Variants in CAMK1D observed in about 807,000 individuals in gnomAD.
CAMK1D encodes calcium/calmodulin dependent protein kinase ID, also known as calcium/calmodulin-dependent protein kinase type 1D.
Under a neutral mutation model 47.7 loss-of-function variants are expected in CAMK1D, and 9 were observed. The observed-to-expected ratio is 0.19, with a 90% CI of 0.11 to 0.33. The LOEUF is 0.33. CAMK1D is among the 10% of genes least tolerant of loss of function. The probability of loss-of-function intolerance (pLI) is 1.00; values close to 1 mark genes in which losing one functional copy is unlikely to be tolerated. For synonymous variants in CAMK1D, 184 were observed against 184.9 expected, an observed-to-expected ratio of 0.99 and a Z score of 0.04; for missense variants, 291 against 488.7, an observed-to-expected ratio of 0.60 and a Z score of 3.81.
chr10:12,520,024 G>A, intron 1 of CAMK1D, among the ~76,000 whole-genome samples: 1 of 71,504 alleles, frequency 1.4e-5, no homozygotes, highest in South Asian at 7.7e-4. Context: ...CCGGGCAGAG[G>A]AGCCCCTCAC....
intron 1 of CAMK1D, among the ~76,000 whole-genome samples, chr10:12,361,737 G>A (rs944129637): frequency 2.6e-5 from 4 of 151,050 alleles, no homozygotes; most frequent in African/African-American, 9.8e-5. Flanking sequence ...TGTATTTTTA[G>A]TAGAGACGAG....
chr10:12,473,531 C>G (rs947475625), intron 1 of CAMK1D, among the ~76,000 whole-genome samples: 1 of 152,142 alleles, frequency 6.6e-6, no homozygotes, highest in Non-Finnish European at 1.5e-5. Flanking sequence ...TTCACTCAAT[C>G]CTTATAACAA....
intron 3 of CAMK1D, among the ~76,000 whole-genome samples, chr10:12,718,406 C>CT (rs1834239755): frequency 6.6e-6 from 1 of 152,194 alleles, no homozygotes; most frequent in African/African-American, 2.4e-5. Flanking sequence ...CTCGTCAACT[C>CT]TGGTGTATCT....
chr10:12,578,562 C>T (rs1178943991), intron 2 of CAMK1D, among the ~76,000 whole-genome samples: 2 of 67,800 alleles, frequency 2.9e-5, no homozygotes, highest in Admixed American at 1.5e-4. Flanking sequence ...AAGAGCTAAA[C>T]TCCATCTCAA....
intron 3 of CAMK1D, chr10:12,760,538 C>A: frequency 6.3e-6 from 1 of 158,646 alleles, no homozygotes; most frequent in Non-Finnish European, 1.4e-5. Flanking sequence ...CGTTGGCAGG[C>A]CAGCGTTTTG....
intron 1 of CAMK1D, among the ~76,000 whole-genome samples, chr10:12,380,948 G>C (rs958814604): frequency 6.6e-6 from 1 of 152,332 alleles, no homozygotes; most frequent in African/African-American, 2.4e-5. Flanking sequence ...CTAGTCATTT[G>C]TCAGGTTGTT....
chr10:12,547,140 C>G (rs953078963), intron 1 of CAMK1D, among the ~76,000 whole-genome samples: 1 of 151,850 alleles, frequency 6.6e-6, no homozygotes, highest in Non-Finnish European at 1.5e-5. Flanking sequence ...GGAGATGGAG[C>G]GGAAATGGAC....
rs1833446506 is a variant in CAMK1D at position 12,833,181 on chromosome 10, G to T, written c.*4294G>T. ...GTAGGATGAAAGGAATCTGGCCTAG[G>T]GAGCCCCGGACTCGGTTTACCTACC... On this transcript the variant is annotated 3_prime_UTR_variant, in exon 11 of 11. Coordinates refer to ENST00000619168, the MANE Select transcript of CAMK1D (RefSeq NM_153498.4). 6.6e-6 allele frequency: 1 copy of T among 152,288 alleles called. No individual in the cohort carries two copies. The highest frequency in any genetic ancestry group is 2.4e-5 in the African/African-American group (1 of 41,452). 9.4% of individuals were successfully genotyped at this position (152,288 alleles called of 1,614,324 possible).
chr10:12,553,590 C>T (rs1264276903), intron 2 of CAMK1D, among the ~76,000 whole-genome samples: 1 of 152,230 alleles, frequency 6.6e-6, no homozygotes, highest in African/African-American at 2.4e-5. Flanking sequence ...AGCTGTCAGG[C>T]AGACTTGCTT....
At chr10:12,464,049 T>C (rs558654406) in intron 1 of CAMK1D, among the ~76,000 whole-genome samples, 29 of 152,306 alleles carry the variant, frequency 1.9e-4, no homozygotes, top group African/African-American at 7.0e-4. Context: ...ACCTCTTTCC[T>C]TTATAAATCA....
intron 1 of CAMK1D, among the ~76,000 whole-genome samples, chr10:12,538,749 C>T (rs1429932822): frequency 2.6e-5 from 4 of 151,908 alleles, no homozygotes; most frequent in South Asian, 4.2e-4. Context: ...ACACACAGAC[C>T]GTGCATGCTT....
chr10:12,741,444 G>A (rs1303969060), intron 3 of CAMK1D, among the ~76,000 whole-genome samples: 1 of 152,224 alleles, frequency 6.6e-6, no homozygotes, highest in Admixed American at 6.5e-5. Context: ...CAGGGACAGC[G>A]AGGGCCGCCC....
chr10:12,825,303 CAG>C (rs1201780513), intron 9 of CAMK1D, among the ~76,000 whole-genome samples: 1 of 147,276 alleles, frequency 6.8e-6, no homozygotes, highest in African/African-American at 2.5e-5. Context: ...TCTTAAATTA[CAG>C]AGAGAATTGG....
chr10:12,740,554 T>G (rs1468694061), intron 3 of CAMK1D, among the ~76,000 whole-genome samples: 2 of 151,940 alleles, frequency 1.3e-5, no homozygotes, highest in Non-Finnish European at 2.9e-5. Context: ...ACTGAGATCA[T>G]GCCACTGCGC....
intron 3 of CAMK1D, among the ~76,000 whole-genome samples, chr10:12,681,554 C>T (rs1832437056): frequency 6.6e-6 from 1 of 152,258 alleles, no homozygotes; most frequent in African/African-American, 2.4e-5. Context: ...TCAGCCCATT[C>T]CTCAGCAGCA....
intron 3 of CAMK1D, among the ~76,000 whole-genome samples, chr10:12,706,411 G>A (rs894366333): frequency 6.7e-6 from 1 of 150,204 alleles, no homozygotes; most frequent in East Asian, 2.0e-4. Flanking sequence ...CAGTGTAGAT[G>A]GAGATAGAAT....
At chr10:12,728,539 G>T (rs1470755456) in intron 3 of CAMK1D, among the ~76,000 whole-genome samples, 1 of 135,018 alleles carries the variant, frequency 7.4e-6, no homozygotes, top group Non-Finnish European at 1.6e-5. Context: ...TGCAGGTTGT[G>T]AGTTACTGTG....
chr10:12,814,833 C>T (rs1041651271), intron 7 of CAMK1D, among the ~76,000 whole-genome samples: 2 of 152,214 alleles, frequency 1.3e-5, no homozygotes, highest in African/African-American at 2.4e-5. Flanking sequence ...TACATATTTG[C>T]GTTTGACTTG....
In CAMK1D at chr10:12,440,202, A is replaced by G. The variant is rs190086547; in HGVS notation, c.92+90292A>G. 4.1e-3 allele frequency among the ~76,000 whole-genome samples: 618 copies of G among 152,294 alleles called. 5 individuals carry two copies. Among genetic ancestry groups the G allele is most frequent in the African/African-American group, 0.014 (580 of 41,570 alleles). The stretch of plus-strand genomic sequence containing the variant: ...GGGATTCATTTCCTTGAAACTCTTC[A>G]TAAAAGTCTTACTTGCATTATGTTG... On this transcript the variant is annotated intron_variant, in intron 1 of 10. Transcript: ENST00000619168.
Sources: gnomAD v4.1 joint callset for allele counts (sites outside exome capture counted in the v4.1 genomes callset) on GRCh38, gnomAD v4.1.1 for gene constraint, MANE v1.5 for transcripts, NCBI Gene and HGNC (gene_info 2026-07-23, HGNC 2026-07-21) for gene names.